PCP4L1: variants seen among roughly 807,000 people sequenced by gnomAD.
PCP4L1 encodes Purkinje cell protein 4 like 1.
In PCP4L1, 9 loss-of-function variants were observed where a neutral mutation model predicts 9.6. The ratio of observed to expected loss-of-function variants is 0.94; its 90% confidence interval spans 0.57 to 1.64. The LOEUF (loss-of-function observed/expected upper bound fraction) is 1.64. PCP4L1 is among the 40% of genes most tolerant of loss of function. The pLI is 0.00. For synonymous variants in PCP4L1, 31 were observed against 28.2 expected (o/e 1.10, Z -0.31); for missense variants, 81 against 80.8 (o/e 1.00, Z -0.01).
intron 1 of PCP4L1, among the ~76,000 whole-genome samples, chr1:161,276,854 G>A (rs1224037814): frequency 6.6e-6 from 1 of 151,764 alleles, no homozygotes; most frequent in Non-Finnish European, 1.5e-5. Flanking sequence ...TGAAAAACTT[G>A]CCCATGTCAA....
In PCP4L1 at chr1:161,283,378, G is replaced by C. The variant is rs12089630; in HGVS notation, c.10-290G>C. Reference sequence around the variant, plus strand: ...CTCCATAGCACTTATCATCATAGTAGTCATTTTATGTGCTTTATTTGTCTC... The same window carrying C: ...CTCCATAGCACTTATCATCATAGTACTCATTTTATGTGCTTTATTTGTCTC... On this transcript the variant is annotated intron_variant, in intron 1 of 2. Coordinates refer to ENST00000504449, the MANE Select transcript of PCP4L1 (RefSeq NM_001102566.2). Among the ~76,000 whole-genome samples the C allele has an allele frequency of 4.7e-3, 710 of 152,180 alleles. 2 individuals carry two copies. Among genetic ancestry groups the C allele is most frequent in the African/African-American group, 0.016 (666 of 41,504 alleles).
intron 1 of PCP4L1, among the ~76,000 whole-genome samples, chr1:161,266,296 C>T (rs972739775): frequency 1.3e-5 from 2 of 152,160 alleles, no homozygotes; most frequent in African/African-American, 4.8e-5. Flanking sequence ...GGGATTAATA[C>T]GTTTATTTTG....
chr1:161,284,521 C>T lies in PCP4L1; in HGVS notation c.*40C>T, dbSNP rs188331136. 1.3e-6 allele frequency: 2 copies of T among 1,588,276 alleles called. No homozygotes were observed. The highest frequency in any genetic ancestry group is 1.8e-5 in the Admixed American group (1 of 55,542). ...CCTTCACCTTCACCTTCATGCTGGT[C>T]CCTTCTCTCCCCTTCTCCACACCCA... On this transcript the variant is annotated 3_prime_UTR_variant, in exon 3 of 3. Coordinates refer to ENST00000504449, the MANE Select transcript of PCP4L1 (RefSeq NM_001102566.2).
At chr1:161,276,723 A>G (rs58419528) in intron 1 of PCP4L1, among the ~76,000 whole-genome samples, 2,586 of 121,834 alleles carry the variant, frequency 0.021, 80 homozygotes, top group African/African-American at 0.075. Flanking sequence ...GTGTATATAT[A>G]TATGTGTGTG....
intron 1 of PCP4L1, among the ~76,000 whole-genome samples, chr1:161,266,550 A>G (rs1275777508): frequency 6.6e-6 from 1 of 151,724 alleles, no homozygotes; most frequent in Non-Finnish European, 1.5e-5. Context: ...TCTGCCTCTG[A>G]CTCCAGTTGG....
chr1:161,263,499 A>G (rs1271643085), intron 1 of PCP4L1, among the ~76,000 whole-genome samples: 1 of 152,086 alleles, frequency 6.6e-6, no homozygotes, highest in Non-Finnish European at 1.5e-5. Flanking sequence ...TCGGCTCCCA[A>G]AGTGCTGGGA....
At chr1:161,271,659 A>G (rs1669627274) in intron 1 of PCP4L1, among the ~76,000 whole-genome samples, 1 of 152,016 alleles carries the variant, frequency 6.6e-6, no homozygotes, top group Non-Finnish European at 1.5e-5. Flanking sequence ...ACGTGCCATG[A>G]CGCCCGGCTA....
At chr1:161,259,004 C>T (rs1317186016) in intron 1 of PCP4L1, 21 bp downstream of exon 1, 1 of 1,530,638 alleles carries the variant, frequency 6.5e-7, no homozygotes, top group Non-Finnish European at 8.7e-7. Context: ...CGGCCCCCGG[C>T]GCTGTCGGCA....
At chr1:161,268,162 A>T (rs1033321623) in intron 1 of PCP4L1, among the ~76,000 whole-genome samples, 5 of 152,058 alleles carry the variant, frequency 3.3e-5, no homozygotes, top group Non-Finnish European at 5.9e-5. Flanking sequence ...AAAAAAAGAG[A>T]TGTCTCAGGG....
chr1:161,264,216 A>G (rs1669468968), intron 1 of PCP4L1, among the ~76,000 whole-genome samples: 1 of 151,584 alleles, frequency 6.6e-6, no homozygotes, highest in South Asian at 2.1e-4. Flanking sequence ...CCTAGCCTCA[A>G]GTACTTTTTA....
chr1:161,269,003 C>A (rs1482893248), intron 1 of PCP4L1, among the ~76,000 whole-genome samples: 1 of 152,242 alleles, frequency 6.6e-6, no homozygotes, highest in Non-Finnish European at 1.5e-5. Flanking sequence ...GAATCCAGAT[C>A]TGTCTGACTA....
At chr1:161,266,837 G>A (rs933658152) in intron 1 of PCP4L1, among the ~76,000 whole-genome samples, 1 of 152,202 alleles carries the variant, frequency 6.6e-6, no homozygotes, top group Non-Finnish European at 1.5e-5. Flanking sequence ...TGCACTGAAA[G>A]AATTGAAATG....
Position 161,272,507 on chromosome 1 carries a change from G to A in PCP4L1, c.10-11161G>A, listed in dbSNP as rs190846976. On this transcript the variant is annotated intron_variant, in intron 1 of 2. Coordinates refer to ENST00000504449, the MANE Select transcript of PCP4L1 (RefSeq NM_001102566.2). ...CTGGAGGCGGAGGTTGCAGTGAGCCGAGATCGTGCCACTGCACTCCAGCCT... is the reference window on the plus strand; with the variant it reads ...CTGGAGGCGGAGGTTGCAGTGAGCCAAGATCGTGCCACTGCACTCCAGCCT... Among the ~76,000 whole-genome samples the A allele has an allele frequency of 3.0e-3, 436 of 147,146 alleles. 1 individual carries two copies. The highest frequency in any genetic ancestry group is 0.01 in the African/African-American group (403 of 39,872).
intron 2 of PCP4L1, 88 bp from the exon 3 acceptor site, chr1:161,284,251 T>G: frequency 6.4e-7 from 1 of 1,572,802 alleles, no homozygotes; most frequent in Non-Finnish European, 8.7e-7. Context: ...TGGCACAAGG[T>G]GGACCTTACC....
At chr1:161,278,406 T>C (rs567242502) in intron 1 of PCP4L1, among the ~76,000 whole-genome samples, 30 of 152,166 alleles carry the variant, frequency 2.0e-4, no homozygotes, top group African/African-American at 7.0e-4. Flanking sequence ...TTTCTTTCCT[T>C]CTTTCCTTCC....
intron 1 of PCP4L1, among the ~76,000 whole-genome samples, chr1:161,259,683 G>T (rs1283159792): frequency 6.6e-6 from 1 of 152,206 alleles, no homozygotes; most frequent in African/African-American, 2.4e-5. Context: ...TGGGGTGGGG[G>T]AGTGGGGGGT....
intron 1 of PCP4L1, among the ~76,000 whole-genome samples, chr1:161,263,320 C>T (rs1669452258): frequency 6.6e-6 from 1 of 152,180 alleles, no homozygotes; most frequent in Non-Finnish European, 1.5e-5. Flanking sequence ...TCGCTGCAAC[C>T]TCCACCTCCG....
chr1:161,269,014 G>C (rs1263055213), intron 1 of PCP4L1, among the ~76,000 whole-genome samples: 1 of 152,208 alleles, frequency 6.6e-6, no homozygotes, highest in Non-Finnish European at 1.5e-5. Context: ...TGTCTGACTA[G>C]TGTGCCACAT....
intron 1 of PCP4L1, among the ~76,000 whole-genome samples, chr1:161,261,512 AT>A (rs756368983): frequency 2.6e-5 from 4 of 152,212 alleles, no homozygotes; most frequent in Admixed American, 6.5e-5. Flanking sequence ...ATCACACTCT[AT>A]CTCCTGTGGT....
Sources: gnomAD v4.1 joint callset for allele counts (sites outside exome capture counted in the v4.1 genomes callset) on GRCh38, gnomAD v4.1.1 for gene constraint, MANE v1.5 for transcripts, NCBI Gene and HGNC (gene_info 2026-07-23, HGNC 2026-07-21) for gene names.